Variants in CNGA1 observed in about 807,000 individuals in gnomAD.
CNGA1 encodes the protein cyclic nucleotide gated channel subunit alpha 1.
In CNGA1, 53 loss-of-function variants were observed where a neutral mutation model predicts 69.7. The observed-to-expected ratio is 0.76, with a 90% CI of 0.61 to 0.96. The LOEUF (loss-of-function observed/expected upper bound fraction) is 0.96, where lower values mean the gene tolerates loss of function less well. CNGA1 is among the 40% of genes least tolerant of loss of function. CNGA1 has a pLI of 0.00. For missense variants in CNGA1, 739 were observed against 811.2 expected (o/e 0.91, Z 1.08); for synonymous variants, 249 against 283.5 (o/e 0.88, Z 1.22).
In CNGA1 at chr4:47,936,355, T is replaced by A; in HGVS notation, c.*66A>T. On this transcript the variant is annotated 3_prime_UTR_variant, in exon 11 of 11. Transcript: ENST00000514170. ...GTCTTCCTCTTCTTTTAAATTTTAG[T>A]TGATGTCAGTCATAGGATCAAAAGG... 6.4e-7 allele frequency: 1 copy of A among 1,553,704 alleles called. No homozygotes were observed. Among genetic ancestry groups the A allele is most frequent in the Non-Finnish European group, 8.9e-7 (1 of 1,126,776 alleles).
chr4:47,971,224 C>T (rs746640822), intron 3 of CNGA1: 24 of 315,052 alleles, frequency 7.6e-5, no homozygotes, highest in Non-Finnish European at 1.4e-4. Context: ...TGGTGAGAAT[C>T]TCTCTGGAAA....
At chr4:47,982,805 A>G (rs973840993) in intron 2 of CNGA1, among the ~76,000 whole-genome samples, 1 of 152,116 alleles carries the variant, frequency 6.6e-6, no homozygotes, top group Non-Finnish European at 1.5e-5. Flanking sequence ...ACATTTCAAA[A>G]TGAACATTCT....
At position 47,937,020 on chromosome 4, in the gene CNGA1, C is replaced by G; in HGVS notation, c.1462G>C (p.Val488Leu). 1.2e-6 allele frequency: 2 copies of G among 1,614,144 alleles called. No individual in the cohort carries two copies. Among genetic ancestry groups the G allele is most frequent in the Non-Finnish European group, 1.7e-6 (2 of 1,180,026 alleles). Residue 488 changes from valine to leucine, a missense_variant, in exon 11 of 11, where the codon GTC becomes CTC. Transcript: ENST00000514170. ...DCEAGLLVELVLKLQPQVYSP... is the reference protein window; with the variant it reads ...DCEAGLLVELLLKLQPQVYSP... Reference sequence around the variant, plus strand: ...TAGACTTGGGGTTGCAATTTCAAGACCAACTCCACCAACAGACCAGCTTCA... The same window carrying G: ...TAGACTTGGGGTTGCAATTTCAAGAGCAACTCCACCAACAGACCAGCTTCA...
At chr4:48,009,949 AC>A (rs1425633114) in intron 2 of CNGA1, among the ~76,000 whole-genome samples, 5 of 152,314 alleles carry the variant, frequency 3.3e-5, no homozygotes, top group African/African-American at 1.2e-4. Flanking sequence ...TACTCAACAC[AC>A]AAATACATAG....
intron 2 of CNGA1, among the ~76,000 whole-genome samples, chr4:48,009,542 T>TG (rs1715061544): frequency 6.7e-6 from 1 of 150,190 alleles, no homozygotes; most frequent in African/African-American, 2.5e-5. Context: ...CAGTGGCTCA[T>TG]GCTATAGTCT....
At chr4:47,990,135 A>C (rs991470174) in intron 2 of CNGA1, among the ~76,000 whole-genome samples, 1 of 152,194 alleles carries the variant, frequency 6.6e-6, no homozygotes, top group Non-Finnish European at 1.5e-5. Context: ...ATATGAAATC[A>C]GTGCACCCTG....
At chr4:47,979,721 T>C (rs1741601128) in intron 3 of CNGA1, among the ~76,000 whole-genome samples, 1 of 152,218 alleles carries the variant, frequency 6.6e-6, no homozygotes, top group South Asian at 2.1e-4. Flanking sequence ...GTAGTCAACT[T>C]AACTCTTGAT....
At chr4:47,976,149 G>GTA (rs58349297) in intron 3 of CNGA1, among the ~76,000 whole-genome samples, 440 of 24,416 alleles carry the variant, frequency 0.018, 26 homozygotes, top group African/African-American at 0.023. Flanking sequence ...ACTTTCATAT[G>GTA]TATATATATA....
intron 2 of CNGA1, among the ~76,000 whole-genome samples, chr4:48,000,751 G>A (rs1367049734): frequency 6.6e-6 from 1 of 151,822 alleles, no homozygotes; most frequent in Non-Finnish European, 1.5e-5. Flanking sequence ...CGGGGGGGTG[G>A]GAAGGATAAT....
At chr4:47,982,560 A>T (rs1047117075) in intron 2 of CNGA1, among the ~76,000 whole-genome samples, 19 of 152,322 alleles carry the variant, frequency 1.2e-4, no homozygotes, top group African/African-American at 4.6e-4. Context: ...AAATGGAAAC[A>T]TAGTCTTACT....
intron 2 of CNGA1, among the ~76,000 whole-genome samples, chr4:47,995,480 C>T (rs757147551): frequency 1.3e-5 from 2 of 151,992 alleles, no homozygotes; most frequent in Non-Finnish European, 2.9e-5. Context: ...TAAGTGTGTC[C>T]ATTGTTTCCT....
intron 2 of CNGA1, among the ~76,000 whole-genome samples, chr4:48,003,970 G>A (rs113821573): frequency 3.4e-4 from 48 of 143,282 alleles, no homozygotes; most frequent in African/African-American, 1.1e-3. Flanking sequence ...AGTCAGGCCC[G>A]CCCGCAGTTA....
chr4:47,942,891 TAA>T (rs1346015484), intron 8 of CNGA1: 1 of 238,462 alleles, frequency 4.2e-6, no homozygotes, highest in Non-Finnish European at 8.0e-6. Flanking sequence ...TTCTCAGCGA[TAA>T]GTTATCTTCA....
chr4:47,938,163 G>C (rs1412172748), intron 10 of CNGA1, among the ~76,000 whole-genome samples: 4 of 131,346 alleles, frequency 3.0e-5, no homozygotes, highest in African/African-American at 1.2e-4. Flanking sequence ...GCAACAGCGA[G>C]ACCCTGTCTC....
chr4:47,941,728 C>T (rs563891552), intron 9 of CNGA1, among the ~76,000 whole-genome samples: 6 of 152,068 alleles, frequency 3.9e-5, no homozygotes, highest in Admixed American at 2.6e-4. Flanking sequence ...CCCTGTGACA[C>T]GAGTTTACCT....
At chr4:47,940,168 G>A (rs1262666403) in intron 10 of CNGA1, among the ~76,000 whole-genome samples, 1 of 152,152 alleles carries the variant, frequency 6.6e-6, no homozygotes, top group Non-Finnish European at 1.5e-5. Context: ...ATTGTTCCAG[G>A]ATACTAGTAT....
intron 10 of CNGA1, among the ~76,000 whole-genome samples, chr4:47,938,612 T>G (rs535858044): frequency 6.6e-6 from 1 of 152,178 alleles, no homozygotes; most frequent in Admixed American, 6.5e-5. Context: ...AGGCTGGTCT[T>G]GATCTCCTGA....
At chr4:48,004,511 C>A (rs758284197) in intron 2 of CNGA1, among the ~76,000 whole-genome samples, 11 of 152,112 alleles carry the variant, frequency 7.2e-5, no homozygotes, top group Non-Finnish European at 1.5e-4. Context: ...GAAGAAAATG[C>A]GTCTCTAGTC....
At chr4:47,954,985 C>T (rs910265518) in intron 3 of CNGA1, among the ~76,000 whole-genome samples, 47 of 152,144 alleles carry the variant, frequency 3.1e-4, no homozygotes, top group African/African-American at 1.0e-3. Context: ...TTGTTTATAA[C>T]CATCCTTTAT....
Sources: gnomAD v4.1 joint callset for allele counts (sites outside exome capture counted in the v4.1 genomes callset) on GRCh38, gnomAD v4.1.1 for gene constraint, MANE v1.5 for transcripts, NCBI Gene and HGNC (gene_info 2026-07-23, HGNC 2026-07-21) for gene names.